The following AFF2 variants were observed in gnomAD, a reference collection of about 807,000 sequenced individuals.
AFF2 encodes AF4/FMR2 family member 2.
A neutral mutation model predicts 76.9 loss-of-function variants in AFF2; 14 were observed. The ratio of observed to expected loss-of-function variants is 0.18; its 90% CI spans 0.12 to 0.28. The LOEUF is 0.28. Among genes scored for constraint, AFF2 ranks in the 10% least tolerant of loss-of-function variants. AFF2 has a pLI of 1.00. For missense variants in AFF2, 868 were observed against 1,001.1 expected, an observed-to-expected ratio of 0.87 and a Z score of 1.79; for synonymous variants, 398 against 366.7, an observed-to-expected ratio of 1.09 and a Z score of -0.98.
intron 3 of AFF2, among the ~76,000 whole-genome samples, chrX:148,730,293 C>G (rs5980584): frequency 9.0e-6 from 1 of 111,429 alleles, no homozygotes; most frequent in Admixed American, 9.5e-5. Flanking sequence ...GCTCCAAAGC[C>G]GTTCCAAACA....
intron 9 of AFF2, among the ~76,000 whole-genome samples, chrX:148,940,082 G>A (rs917565377): frequency 1.3e-4 from 15 of 111,932 alleles, no homozygotes; most frequent in African/African-American, 4.9e-4. Context: ...TTAAGAAGCT[G>A]TAGTAGTATG....
intron 3 of AFF2, among the ~76,000 whole-genome samples, chrX:148,665,770 C>T (rs781838342): frequency 8.9e-6 from 1 of 112,117 alleles, no homozygotes; most frequent in East Asian, 2.8e-4. Flanking sequence ...GCCCCAGTTC[C>T]TGGCGCCAAG....
intron 3 of AFF2, among the ~76,000 whole-genome samples, chrX:148,752,203 A>G (rs1225661275): frequency 1.8e-5 from 2 of 111,975 alleles, no homozygotes; most frequent in African/African-American, 6.5e-5. Flanking sequence ...TACTATTCCC[A>G]CTGCCAGGAA....
At chrX:148,765,126 T>C (rs1557267598) in intron 3 of AFF2, among the ~76,000 whole-genome samples, 1 of 112,156 alleles carries the variant, frequency 8.9e-6, no homozygotes, top group African/African-American at 3.2e-5. Context: ...GCCCGAGCGA[T>C]CCTCACGCCT....
At chrX:148,723,347 G>T (rs2055117123) in intron 3 of AFF2, among the ~76,000 whole-genome samples, 1 of 111,798 alleles carries the variant, frequency 8.9e-6, no homozygotes, top group Non-Finnish European at 1.9e-5. Flanking sequence ...GAAATTTAAT[G>T]CAACTGAGAG....
At chrX:148,748,515 G>A (rs7880711) in intron 3 of AFF2, among the ~76,000 whole-genome samples, 1,301 of 111,751 alleles carry the variant, frequency 0.012, 16 homozygotes, top group African/African-American at 0.041. Context: ...ATTCTCTAAT[G>A]TCCCTTTCTG....
chrX:148,678,620 C>T lies in AFF2; in HGVS notation c.1041+15852C>T, dbSNP rs782013533. 4.5e-5 allele frequency among the ~76,000 whole-genome samples: 5 copies of T among 112,030 alleles called. No individual in the cohort carries two copies. The East Asian group carries it at 1.4e-3, about 32-fold the overall frequency. Reference sequence around the variant, plus strand: ...CAGGTGAAACCTTCATCTGAGAGAGCTTGCATCAAAAATAATCAAGTGCAG... The same window carrying T: ...CAGGTGAAACCTTCATCTGAGAGAGTTTGCATCAAAAATAATCAAGTGCAG... On this transcript the variant is annotated intron_variant, in intron 3 of 20. Transcript: ENST00000370460.
Position 148,995,202 on chromosome X carries a change from C to A in AFF2, c.*3870C>A, listed in dbSNP as rs1557292881. On this transcript the variant is annotated 3_prime_UTR_variant, in exon 21 of 21. Transcript: ENST00000370460. ...ACGGCCTTATTCTCATAATTAAAAT[C>A]TAATTCATTTTCTCTTTAGTGTTAG... 1 of 110,587 alleles carries A rather than the reference C, an allele frequency of 9.0e-6. No homozygotes were observed. The highest frequency in any genetic ancestry group is 3.3e-5 in the African/African-American group (1 of 30,293). The allele number at this position is 110,587 out of a possible 1,213,427, so 9.1% of individuals were successfully genotyped here.
intron 1 of AFF2, among the ~76,000 whole-genome samples, chrX:148,514,644 T>C (rs1297728364): frequency 8.9e-6 from 1 of 112,299 alleles, no homozygotes; most frequent in Non-Finnish European, 1.9e-5. Context: ...TAGCCGACTT[T>C]AACAGCCATA....
At chrX:148,915,588 A>G (rs782423412) in intron 9 of AFF2, among the ~76,000 whole-genome samples, 80 of 112,363 alleles carry the variant, frequency 7.1e-4, no homozygotes, top group African/African-American at 2.5e-3. Flanking sequence ...CTTCGTACTC[A>G]TTCATGTTTG....
At chrX:148,610,433 G>A (rs1197095700) in intron 1 of AFF2, among the ~76,000 whole-genome samples, 2 of 111,529 alleles carry the variant, frequency 1.8e-5, no homozygotes, top group African/African-American at 6.5e-5. Context: ...CTTTCAAAAC[G>A]ATAAAAACCA....
At chrX:148,790,737 CT>C (rs1221254398) in intron 3 of AFF2, among the ~76,000 whole-genome samples, 6 of 111,280 alleles carry the variant, frequency 5.4e-5, no homozygotes, top group African/African-American at 2.0e-4. Context: ...CTAATGCATG[CT>C]GAGTTTAATA....
In AFF2 at chrX:148,809,965, T is replaced by A. The variant is rs192560894; in HGVS notation, c.1086+45T>A. The A allele has an allele frequency of 2.0e-4, 224 of 1,116,379 alleles. 2 individuals are homozygous for A. In the East Asian group the frequency reaches 6.3e-3, roughly 31 times the overall value. 92.0% of individuals were successfully genotyped at this position (1,116,379 alleles called of 1,213,427 possible). A position where few individuals can be genotyped will look rare whatever the true frequency, so the allele number is the denominator to read the frequency against. On this transcript the variant is annotated intron_variant, in intron 4 of 20. Transcript: ENST00000370460. ...TTTGTGCCTTTTAATAATGAAGCAA[T>A]CTATCTGCTTAAGCTGTTTAAAGTA...
intron 4 of AFF2, among the ~76,000 whole-genome samples, chrX:148,835,006 G>A (rs937823704): frequency 8.9e-6 from 1 of 112,227 alleles, no homozygotes; most frequent in Non-Finnish European, 1.9e-5. Flanking sequence ...GAAATCAGTT[G>A]TAATTGAAAA....
At chrX:148,661,180 AT>A (rs1289966158) in intron 2 of AFF2, among the ~76,000 whole-genome samples, 2 of 112,580 alleles carry the variant, frequency 1.8e-5, no homozygotes, top group African/African-American at 6.4e-5. Flanking sequence ...ATTTTCCTTA[AT>A]CATTGAAAAG....
intron 19 of AFF2, among the ~76,000 whole-genome samples, chrX:148,984,469 G>A (rs1458890492): frequency 9.8e-5 from 11 of 112,071 alleles, no homozygotes; most frequent in African/African-American, 3.6e-4. Context: ...GAGTTGGAGA[G>A]CACACTGAAG....
At chrX:148,818,089 T>C (rs2070287851) in intron 4 of AFF2, among the ~76,000 whole-genome samples, 1 of 111,666 alleles carries the variant, frequency 9.0e-6, no homozygotes, top group African/African-American at 3.2e-5. Context: ...TTTATGTTTT[T>C]CTGGAGGTTA....
At chrX:148,639,967 C>T (rs2054071182) in intron 1 of AFF2, among the ~76,000 whole-genome samples, 1 of 111,953 alleles carries the variant, frequency 8.9e-6, no homozygotes, top group Admixed American at 9.5e-5. Flanking sequence ...GAGAAAGGAG[C>T]TGCTATGTCA....
intron 3 of AFF2, among the ~76,000 whole-genome samples, chrX:148,802,021 T>C: frequency 8.9e-6 from 1 of 112,207 alleles, no homozygotes; most frequent in Non-Finnish European, 1.9e-5. Context: ...GGAAGCACTT[T>C]TTCTTCTAGG....
Sources: gnomAD v4.1 joint callset for allele counts (sites outside exome capture counted in the v4.1 genomes callset) on GRCh38, gnomAD v4.1.1 for gene constraint, MANE v1.5 for transcripts, NCBI Gene and HGNC (gene_info 2026-07-23, HGNC 2026-07-21) for gene names.